NEXMIF: variants seen among roughly 807,000 people sequenced by gnomAD.
NEXMIF encodes neurite extension and migration factor, also known as XLMR protein related to neurite extension.
Under a neutral mutation model 62.1 loss-of-function variants are expected in NEXMIF, and 8 were observed. The ratio of observed to expected loss-of-function variants is 0.13; its 90% confidence interval spans 0.08 to 0.23. The LOEUF is 0.23. Among genes scored for constraint, NEXMIF ranks in the 10% least tolerant of loss-of-function variants. The pLI, the probability that NEXMIF is intolerant of heterozygous loss-of-function variation, is 1.00. For synonymous variants in NEXMIF, 404 were observed against 416.6 expected (o/e 0.97, Z 0.37); for missense variants, 976 against 1,113.3 (o/e 0.88, Z 1.75).
At chrX:74,877,447 G>A (rs1282628823) in intron 1 of NEXMIF, among the ~76,000 whole-genome samples, 1 of 110,896 alleles carries the variant, frequency 9.0e-6, no homozygotes, top group Non-Finnish European at 1.9e-5. Flanking sequence ...TTCAACTTTG[G>A]TGAATCTGAC....
intron 1 of NEXMIF, among the ~76,000 whole-genome samples, chrX:74,855,297 A>G (rs2080530698): frequency 8.9e-6 from 1 of 112,372 alleles, no homozygotes. Context: ...GAAGGCACAA[A>G]GAACGTACAT....
At chrX:74,911,751 C>T (rs2080790981) in intron 1 of NEXMIF, among the ~76,000 whole-genome samples, 1 of 112,507 alleles carries the variant, frequency 8.9e-6, no homozygotes, top group Non-Finnish European at 1.9e-5. Flanking sequence ...TTTTCTTTCA[C>T]CTATTCAGCC....
At chrX:74,842,308 T>C (rs945185611) in intron 1 of NEXMIF, among the ~76,000 whole-genome samples, 2 of 111,654 alleles carry the variant, frequency 1.8e-5, no homozygotes, top group African/African-American at 6.5e-5. Context: ...TTTATTTCTG[T>C]GGGGTCAGTA....
In NEXMIF at chrX:74,737,518, C is replaced by G. The variant is rs1363857565; in HGVS notation, c.*1887G>C. ...AGAATGCTCCTCACCCACTCATCCC[C>G]ACAGACACAAGAGACTGACGCTGGG... On this transcript the variant is annotated 3_prime_UTR_variant, in exon 4 of 4. Transcript: ENST00000055682. 2 of 111,380 alleles carry G rather than the reference C, an allele frequency of 1.8e-5. No individual in the cohort carries two copies. Among genetic ancestry groups the G allele is most frequent in the East Asian group, 5.7e-4 (2 of 3,517 alleles). The allele number at this position is 111,380 out of a possible 1,213,427, so 9.2% of individuals were successfully genotyped here. A position where few individuals can be genotyped will look rare whatever the true frequency, so the allele number is the denominator to read the frequency against.
chrX:74,875,238 T>C (rs1467127372), intron 1 of NEXMIF, among the ~76,000 whole-genome samples: 4 of 110,047 alleles, frequency 3.6e-5, no homozygotes, highest in African/African-American at 1.4e-4. Flanking sequence ...CTTTTCTGCA[T>C]CTATTGAGAT....
chrX:74,779,665 G>T (rs2080240065), intron 1 of NEXMIF, among the ~76,000 whole-genome samples: 1 of 111,755 alleles, frequency 8.9e-6, no homozygotes, highest in Non-Finnish European at 1.9e-5. Context: ...AAGCTGAAAG[G>T]CCCAGCCCAC....
rs1309838933 is a variant in NEXMIF, at chrX:74,902,163, A to C, written c.-48+22720T>G. Among the ~76,000 whole-genome samples the C allele has an allele frequency of 3.6e-5, 4 of 110,229 alleles. No individual in the cohort carries two copies. The Admixed American group carries it at 3.9e-4, about 11-fold the overall frequency. Reference sequence around the variant, plus strand: ...GAGGACCCTGGTCATCTTAACAAAAAAAAGGTAATAAATGGGATCCTCAAA... The same window carrying C: ...GAGGACCCTGGTCATCTTAACAAAACAAAGGTAATAAATGGGATCCTCAAA... On this transcript the variant is annotated intron_variant, in intron 1 of 3. Transcript: ENST00000055682.
rs756196131 is a variant in NEXMIF at position 74,741,086 on chromosome X, T to G, written c.3471A>C (p.Ser1157=). The G allele has an allele frequency of 1.2e-5, 14 of 1,210,154 alleles. No homozygotes were observed. In the African/African-American group the frequency reaches 2.4e-4, roughly 21 times the overall value. The part of the protein sequence containing the change: ...VSLLQKNPCL[S]TFNDPSGQIS... ...TTTGACCAGATGGATCATTAAATGTTGACAGGCAAGGGTTTTTTTGGAGCA... is the reference window on the plus strand; with the variant it reads ...TTTGACCAGATGGATCATTAAATGTGGACAGGCAAGGGTTTTTTTGGAGCA... The change falls in exon 3 of 4, where the codon TCA becomes TCC. Residue 1157 remains serine, a synonymous_variant. Coordinates refer to ENST00000055682, the MANE Select transcript of NEXMIF (RefSeq NM_001008537.3).
intron 1 of NEXMIF, among the ~76,000 whole-genome samples, chrX:74,842,240 T>C (rs773723238): frequency 1.8e-5 from 2 of 111,773 alleles, no homozygotes; most frequent in East Asian, 5.6e-4. Flanking sequence ...TATCCATCTC[T>C]TCTAGGTTTT....
intron 1 of NEXMIF, among the ~76,000 whole-genome samples, chrX:74,848,743 C>A (rs2080502587): frequency 8.9e-6 from 1 of 112,275 alleles, no homozygotes; most frequent in South Asian, 3.7e-4. Context: ...ATGCTGAAAT[C>A]TAATCCCCAA....
At chrX:74,777,599 A>G (rs930655683) in intron 1 of NEXMIF, among the ~76,000 whole-genome samples, 2 of 111,970 alleles carry the variant, frequency 1.8e-5, no homozygotes, top group African/African-American at 6.5e-5. Flanking sequence ...CTGAGTAACT[A>G]TAAGAATACA....
intron 1 of NEXMIF, among the ~76,000 whole-genome samples, chrX:74,879,072 A>C (rs747767215): frequency 8.9e-6 from 1 of 111,994 alleles, no homozygotes; most frequent in African/African-American, 3.2e-5. Flanking sequence ...CTGTGTTACA[A>C]TTTTCTACAG....
In NEXMIF at chrX:74,743,163, C is replaced by T. The variant is rs765125012; in HGVS notation, c.1394G>A (p.Arg465Gln). 9 of 1,210,814 alleles carry T rather than the reference C, an allele frequency of 7.4e-6. No homozygotes were observed. The highest frequency in any genetic ancestry group is 7.0e-5 in the South Asian group (4 of 56,857). ...EIKDCSRYMA[R>Q]DTNSGSSSSQ... ...GGAGGAGCTGCCAGAATTAGTGTCC[C>T]GAGCCATATAGCGACTACAGTCCTT... The change falls in exon 3 of 4, where the codon CGG (arginine) becomes CAG (glutamine). Residue 465 changes from arginine (R) to glutamine (Q), a missense_variant. Coordinates refer to ENST00000055682, the MANE Select transcript of NEXMIF (RefSeq NM_001008537.3).
intron 1 of NEXMIF, among the ~76,000 whole-genome samples, chrX:74,921,397 A>G (rs1475360648): frequency 1.8e-5 from 2 of 112,117 alleles, no homozygotes; most frequent in Non-Finnish European, 3.8e-5. Flanking sequence ...AAACAGAGCC[A>G]CTTGTTGTTT....
intron 1 of NEXMIF, among the ~76,000 whole-genome samples, chrX:74,878,381 G>T (rs1260648759): frequency 8.9e-6 from 1 of 112,175 alleles, no homozygotes; most frequent in South Asian, 3.7e-4. Context: ...GAGAACCACT[G>T]CTCTCTTCAA....
intron 1 of NEXMIF, among the ~76,000 whole-genome samples, chrX:74,787,095 C>A (rs1488983360): frequency 2.3e-5 from 2 of 85,208 alleles, no homozygotes; most frequent in African/African-American, 4.5e-5. Context: ...CCTGTCTCTA[C>A]CAAAAATACA....
chrX:74,876,471 A>G (rs1392749842), intron 1 of NEXMIF, among the ~76,000 whole-genome samples: 3 of 110,788 alleles, frequency 2.7e-5, no homozygotes, highest in Non-Finnish European at 5.7e-5. Context: ...TATTCTGTGG[A>G]TTTGGGGTGG....
chrX:74,796,209 T>TTATATATATATACATATAA (rs2080309050), intron 1 of NEXMIF, among the ~76,000 whole-genome samples: 1 of 46,615 alleles, frequency 2.1e-5, no homozygotes, highest in Non-Finnish European at 3.9e-5. Context: ...TACATATATA[T>TTATATATATATACATATAA]TATATATATA....
At chrX:74,794,534 C>A (rs1012800807) in intron 1 of NEXMIF, among the ~76,000 whole-genome samples, 1 of 112,509 alleles carries the variant, frequency 8.9e-6, no homozygotes, top group Non-Finnish European at 1.9e-5. Context: ...GCTTTGTTTA[C>A]CTTATCAAGC....
Sources: gnomAD v4.1 joint callset for allele counts (sites outside exome capture counted in the v4.1 genomes callset) on GRCh38, gnomAD v4.1.1 for gene constraint, MANE v1.5 for transcripts, NCBI Gene and HGNC (gene_info 2026-07-23, HGNC 2026-07-21) for gene names.